MAF: variants seen among roughly 807,000 people sequenced by gnomAD.
MAF encodes transcription factor Maf.
In MAF, 10 loss-of-function variants were observed where a neutral mutation model predicts 22.0. That is an observed-to-expected ratio of 0.45 (90% CI 0.28 to 0.77). The LOEUF (loss-of-function observed/expected upper bound fraction) is 0.77. Ranked by LOEUF, MAF falls within the 30% of genes least tolerant of loss-of-function variation. The pLI, the probability that MAF is intolerant of heterozygous loss-of-function variation, is 0.12. For synonymous variants in MAF, 337 were observed against 255.8 expected (o/e 1.32, Z -3.03); for missense variants, 544 against 548.4 (o/e 0.99, Z 0.08).
chr16:79,456,736 C>T, the MAF span, among the ~76,000 whole-genome samples: 2 of 152,150 alleles, frequency 1.3e-5, no homozygotes, highest in African/African-American at 2.4e-5. Flanking sequence ...AGAAACAGCC[C>T]TTTACAAGGA....
At chr16:79,324,609 C>T in the MAF span, among the ~76,000 whole-genome samples, 7 of 151,990 alleles carry the variant, frequency 4.6e-5, no homozygotes, top group African/African-American at 1.7e-4. Flanking sequence ...GTAATTGAGT[C>T]GAAAACACCT....
the MAF span, among the ~76,000 whole-genome samples, chr16:79,457,066 A>G: frequency 1.3e-5 from 2 of 152,164 alleles, no homozygotes; most frequent in African/African-American, 4.8e-5. Flanking sequence ...GATGGTGGTC[A>G]TTGCTGTTGA....
chr16:79,274,627 T>C, the MAF span, among the ~76,000 whole-genome samples: 1 of 152,064 alleles, frequency 6.6e-6, no homozygotes, highest in African/African-American at 2.4e-5. Flanking sequence ...GTCCAGGCTT[T>C]TGTGGACTGA....
At chr16:79,430,692 C>T in the MAF span, among the ~76,000 whole-genome samples, 127 of 152,286 alleles carry the variant, frequency 8.3e-4, no homozygotes, top group East Asian at 2.3e-3. Context: ...CAAAAGTGCC[C>T]GGCTAGGCCT....
chr16:79,293,417 A>G, the MAF span, among the ~76,000 whole-genome samples: 1 of 152,254 alleles, frequency 6.6e-6, no homozygotes, highest in Non-Finnish European at 1.5e-5. Context: ...ACTGAATTCT[A>G]GTTTAAAAAA....
chr16:79,394,060 A>G, the MAF span, among the ~76,000 whole-genome samples: 1 of 152,156 alleles, frequency 6.6e-6, no homozygotes, highest in Non-Finnish European at 1.5e-5. Flanking sequence ...CACCACGTGC[A>G]TGTTCTTCTA....
the MAF span, among the ~76,000 whole-genome samples, chr16:79,449,145 G>C: frequency 6.6e-6 from 1 of 152,196 alleles, no homozygotes; most frequent in African/African-American, 2.4e-5. Flanking sequence ...AATAGGGTTT[G>C]TATTCCCAGG....
At chr16:79,418,742 G>C in the MAF span, among the ~76,000 whole-genome samples, 27 of 152,136 alleles carry the variant, frequency 1.8e-4, no homozygotes, top group Admixed American at 1.6e-3. Context: ...ATGACTTATT[G>C]TCGCTAAGAT....
the MAF span, chr16:79,212,310 C>CT: frequency 1.1e-6 from 1 of 878,998 alleles, no homozygotes; most frequent in African/African-American, 1.7e-5. Context: ...GCTGGGGAGA[C>CT]AAATCTCAGA....
chr16:79,218,741 G>C, the MAF span, among the ~76,000 whole-genome samples: 1 of 152,294 alleles, frequency 6.6e-6, no homozygotes, highest in East Asian at 1.9e-4. Context: ...TGTTTAATTA[G>C]AGTGGAAATT....
the MAF span, among the ~76,000 whole-genome samples, chr16:79,387,791 T>C: frequency 6.6e-6 from 1 of 152,212 alleles, no homozygotes; most frequent in Non-Finnish European, 1.5e-5. Flanking sequence ...TAACACCATA[T>C]ATTTAAAATA....
the MAF span, among the ~76,000 whole-genome samples, chr16:79,239,272 C>A: frequency 6.6e-6 from 1 of 152,186 alleles, no homozygotes; most frequent in East Asian, 1.9e-4. Context: ...CAGTGATTGA[C>A]ACATGTCTGT....
the MAF span, among the ~76,000 whole-genome samples, chr16:79,373,477 G>C: frequency 4.2e-5 from 6 of 142,194 alleles, no homozygotes; most frequent in Non-Finnish European, 6.0e-5. Context: ...CCATCTCCTG[G>C]GTTCAAGCGA....
At chr16:79,325,102 A>T in the MAF span, among the ~76,000 whole-genome samples, 1 of 152,142 alleles carries the variant, frequency 6.6e-6, no homozygotes, top group East Asian at 1.9e-4. Context: ...TCTCAACTTG[A>T]GACCCTTAAT....
the MAF span, among the ~76,000 whole-genome samples, chr16:79,402,552 G>T: frequency 6.6e-6 from 1 of 152,220 alleles, no homozygotes; most frequent in African/African-American, 2.4e-5. Context: ...GCTGGGTGGG[G>T]CCTGGCCTAC....
At chr16:79,444,103 GA>G in the MAF span, among the ~76,000 whole-genome samples, 1 of 151,892 alleles carries the variant, frequency 6.6e-6, no homozygotes, top group Non-Finnish European at 1.5e-5. Context: ...ATTATGTAGG[GA>G]AAAATCATGA....
intron 1 of MAF, chr16:79,595,262 A>C (rs1913448276): frequency 9.5e-7 from 1 of 1,047,722 alleles, no homozygotes; most frequent in Non-Finnish European, 1.2e-6. Context: ...TAGCACATAA[A>C]GGAAGGTCAA....
the MAF span, among the ~76,000 whole-genome samples, chr16:79,335,372 C>T: frequency 1.3e-5 from 2 of 152,210 alleles, no homozygotes; most frequent in African/African-American, 2.4e-5. Context: ...CTGCAGAGAG[C>T]TTGTTAAACT....
At chr16:79,404,233 G>A in the MAF span, among the ~76,000 whole-genome samples, 4 of 146,144 alleles carry the variant, frequency 2.7e-5, no homozygotes, top group East Asian at 7.9e-4. Context: ...GCACAATCTC[G>A]GCTCACTGCA....
Sources: allele counts gnomAD v4.1 joint callset (sites outside exome capture counted in the v4.1 genomes callset), GRCh38; gene constraint gnomAD v4.1.1; transcripts MANE v1.5; gene names NCBI Gene and HGNC (gene_info 2026-07-23, HGNC 2026-07-21).